GRB14: variants seen among roughly 807,000 people sequenced by gnomAD.
GRB14 encodes growth factor receptor-bound protein 14.
A neutral mutation model predicts 69.1 loss-of-function variants in GRB14; 38 were observed. The observed-to-expected ratio is 0.55, with a 90% CI of 0.42 to 0.72. GRB14 has a LOEUF of 0.72. GRB14 is among the 30% of genes least tolerant of loss of function. GRB14 has a pLI of 0.00. For missense variants in GRB14, 666 were observed against 666.1 expected, an observed-to-expected ratio of 1.00 and a Z score of 0.00; for synonymous variants, 247 against 241.3, an observed-to-expected ratio of 1.02 and a Z score of -0.22.
rs1177591605 is a variant in GRB14, at chr2:164,506,385, T to G, written c.1023+2070A>C. ...TCATTTAAATCATTTGTTAAAACTT[T>G]CTTCCAATACCACTTCACATCCACT... On this transcript the variant is annotated intron_variant, in intron 8 of 13. Transcript: ENST00000263915. 3.3e-5 allele frequency among the ~76,000 whole-genome samples: 5 copies of G among 152,214 alleles called. No individual in the cohort carries two copies. In the East Asian group the frequency reaches 9.6e-4, roughly 29 times the overall value.
chr2:164,545,813 GC>G (rs1328863791), intron 3 of GRB14, among the ~76,000 whole-genome samples: 1 of 152,112 alleles, frequency 6.6e-6, no homozygotes, highest in Admixed American at 6.6e-5. Context: ...CAAAATTGTT[GC>G]CAAATCCTGT....
intron 2 of GRB14, among the ~76,000 whole-genome samples, chr2:164,565,292 A>ACG (rs1553514570): frequency 4.0e-5 from 6 of 151,552 alleles, no homozygotes; most frequent in Admixed American, 6.6e-5. Context: ...ACACACACAC[A>ACG]CACACACACA....
rs959658647 is a variant in GRB14, at chr2:164,554,012, T to C, written c.325-6196A>G. On this transcript the variant is annotated intron_variant, in intron 2 of 13. Transcript: ENST00000263915. ...GACAACTGAAGCCTTAACTCTCTAG[T>C]AGAGTTGAATATGCCTCTTGCCCAA... Among the ~76,000 whole-genome samples the C allele has an allele frequency of 3.3e-5, 5 of 152,222 alleles. No individual in the cohort carries two copies. In the South Asian group the frequency reaches 1.0e-3, roughly 32 times the overall value.
At chr2:164,524,437 A>T (rs1371012739) in intron 5 of GRB14, among the ~76,000 whole-genome samples, 1 of 152,140 alleles carries the variant, frequency 6.6e-6, no homozygotes. Flanking sequence ...TCCAATAGAC[A>T]CAAAAATAAG....
At chr2:164,596,450 G>A (rs866067460) in intron 2 of GRB14, among the ~76,000 whole-genome samples, 35 of 152,238 alleles carry the variant, frequency 2.3e-4, no homozygotes, top group African/African-American at 7.7e-4. Flanking sequence ...TAAGATGCCA[G>A]CTTTCTCAAA....
At chr2:164,500,351 C>G (rs1167244071) in intron 9 of GRB14, among the ~76,000 whole-genome samples, 3 of 151,904 alleles carry the variant, frequency 2.0e-5, no homozygotes, top group Non-Finnish European at 4.4e-5. Flanking sequence ...TTTCCTTTCT[C>G]AAAATGTATA....
chr2:164,508,653 T>A (rs1205650160), intron 7 of GRB14, 89 bp downstream of exon 7: 1 of 1,428,378 alleles, frequency 7.0e-7, no homozygotes, highest in Non-Finnish European at 9.7e-7. Context: ...GAGAAAGCTG[T>A]CTCTTTTCAA....
At chr2:164,566,533 G>A (rs1688979376) in intron 2 of GRB14, among the ~76,000 whole-genome samples, 1 of 152,034 alleles carries the variant, frequency 6.6e-6, no homozygotes, top group Non-Finnish European at 1.5e-5. Context: ...TCACAATGAG[G>A]TGACCATTGG....
At chr2:164,504,396 C>G (rs554450317) in intron 8 of GRB14, among the ~76,000 whole-genome samples, 1 of 152,242 alleles carries the variant, frequency 6.6e-6, no homozygotes, top group South Asian at 2.1e-4. Context: ...CTTCTACCAT[C>G]AGGTGATCCC....
intron 3 of GRB14, among the ~76,000 whole-genome samples, chr2:164,539,197 G>A (rs1227841021): frequency 6.6e-6 from 1 of 151,986 alleles, no homozygotes; most frequent in African/African-American, 2.4e-5. Flanking sequence ...AATAACGGTC[G>A]GGCGTGGTGG....
chr2:164,530,768 G>A (rs1224574346), intron 3 of GRB14, among the ~76,000 whole-genome samples: 1 of 152,204 alleles, frequency 6.6e-6, no homozygotes, highest in Non-Finnish European at 1.5e-5. Context: ...GGATGAGATA[G>A]TGGGTTGTAG....
At chr2:164,535,419 T>C (rs1222832326) in intron 3 of GRB14, among the ~76,000 whole-genome samples, 3 of 152,210 alleles carry the variant, frequency 2.0e-5, no homozygotes, top group African/African-American at 7.2e-5. Flanking sequence ...ACCTTCTGCC[T>C]GGATTTCTTT....
rs137921531 is a variant in GRB14, at chr2:164,589,901, G to A, written c.324+29786C>T. Among the ~76,000 whole-genome samples the A allele has an allele frequency of 7.0e-4, 106 of 152,168 alleles. No homozygotes were observed. In the East Asian group the frequency reaches 0.015, roughly 21 times the overall value. The stretch of plus-strand genomic sequence containing the variant: ...CCGAAATCAGGGTGCCAGCATTGTC[G>A]AGTTCTGGTGAGAACCCTCATCTGG... On this transcript the variant is annotated intron_variant, in intron 2 of 13. Coordinates refer to ENST00000263915, the MANE Select transcript of GRB14 (RefSeq NM_004490.3).
intron 3 of GRB14, among the ~76,000 whole-genome samples, chr2:164,535,142 C>T (rs1417829344): frequency 6.6e-6 from 1 of 151,982 alleles, no homozygotes; most frequent in East Asian, 1.9e-4. Flanking sequence ...TTTTTCAAAA[C>T]AAAAACAAAA....
intron 2 of GRB14, among the ~76,000 whole-genome samples, chr2:164,593,750 A>G (rs1470487952): frequency 1.3e-5 from 2 of 152,170 alleles, no homozygotes; most frequent in African/African-American, 4.8e-5. Context: ...ACAGAGGCAG[A>G]AGAATGGAAA....
intron 2 of GRB14, among the ~76,000 whole-genome samples, chr2:164,588,348 C>T (rs879325331): frequency 6.6e-6 from 1 of 152,144 alleles, no homozygotes; most frequent in Non-Finnish European, 1.5e-5. Flanking sequence ...CTCTCCTGAG[C>T]AGATTGAGTA....
Position 164,492,949 on chromosome 2 carries a change from G to A in GRB14, c.*87C>T, listed in dbSNP as rs1051160. 750,390 of 1,196,572 alleles carry A rather than the reference G, an allele frequency of 0.63. 240,672 individuals are homozygous for A. The highest frequency in any genetic ancestry group is 0.67 in the Admixed American group (26,473 of 39,786). The allele number at this position is 1,196,572 out of a possible 1,614,324, so 74.1% of individuals were successfully genotyped here. On this transcript the variant is annotated 3_prime_UTR_variant, in exon 14 of 14. Transcript: ENST00000263915. ...AGGTGAAATACATTCTTTTCACATGGTAATGTTTTCGCCCTTATTTATGGT... is the reference window on the plus strand; with the variant it reads ...AGGTGAAATACATTCTTTTCACATGATAATGTTTTCGCCCTTATTTATGGT...
intron 3 of GRB14, among the ~76,000 whole-genome samples, chr2:164,532,656 T>C (rs2105294887): frequency 6.6e-6 from 1 of 152,288 alleles, no homozygotes; most frequent in East Asian, 1.9e-4. Context: ...CAAGGAATGC[T>C]AGTAGCCAAG....
chr2:164,519,977 T>C (rs1687595872), intron 6 of GRB14, among the ~76,000 whole-genome samples: 1 of 151,832 alleles, frequency 6.6e-6, no homozygotes, highest in Non-Finnish European at 1.5e-5. Context: ...CTCATCAAAA[T>C]ACCATCATCG....
Sources: gnomAD v4.1 joint callset for allele counts (sites outside exome capture counted in the v4.1 genomes callset) on GRCh38, gnomAD v4.1.1 for gene constraint, MANE v1.5 for transcripts, NCBI Gene and HGNC (gene_info 2026-07-23, HGNC 2026-07-21) for gene names.